The following TMIGD3 variants were observed in gnomAD, a reference collection of about 807,000 sequenced individuals.
The protein encoded by TMIGD3 is transmembrane and immunoglobulin domain containing 3.
Under a neutral mutation model 28.1 loss-of-function variants are expected in TMIGD3, and 21 were observed. The ratio of observed to expected loss-of-function variants is 0.75; its 90% CI spans 0.53 to 1.08. TMIGD3 has a LOEUF of 1.08. Ranked by LOEUF, TMIGD3 falls within the 50% of genes least tolerant of loss-of-function variation. The probability of loss-of-function intolerance (pLI) is 0.00; values close to 1 mark genes in which losing one functional copy is unlikely to be tolerated. For missense variants in TMIGD3, 416 were observed against 435.6 expected, an observed-to-expected ratio of 0.96 and a Z score of 0.40; for synonymous variants, 151 against 162.1, an observed-to-expected ratio of 0.93 and a Z score of 0.52.
chr1:111,490,714 T>C lies in TMIGD3; in HGVS notation c.399A>G (p.Lys133=). 6.2e-7 allele frequency: 1 copy of C among 1,614,072 alleles called. No individual in the cohort carries two copies. The highest frequency in any genetic ancestry group is 1.6e-4 in the Middle Eastern group (1 of 6,062). The change falls in exon 2 of 6, where the codon AAA becomes AAG. Residue 133 remains lysine, a synonymous_variant. Transcript: ENST00000369716. ...GCCACATGACTGGAAGGAAGCAAACTTTCAACTGGAATGATAGAATGCACC... is the reference window on the plus strand; with the variant it reads ...GCCACATGACTGGAAGGAAGCAAACCTTCAACTGGAATGATAGAATGCACC... ...LPGCILSFQL[K]VCFLPVMWLF... is the part of the protein sequence containing the mutation.
chr1:111,502,940 C>G, intron 1 of TMIGD3, 65 bp downstream of exon 1: 1 of 1,580,140 alleles, frequency 6.3e-7, no homozygotes, highest in East Asian at 2.3e-5. Context: ...AAAGTCTGGG[C>G]TCTGGGCTTT....
chr1:111,531,639 T>C (rs1436665816), intron 1 of TMIGD3, among the ~76,000 whole-genome samples: 2 of 152,230 alleles, frequency 1.3e-5, no homozygotes, highest in African/African-American at 4.8e-5. Flanking sequence ...GATGATTTTC[T>C]GATTGGATGG....
chr1:111,498,562 C>T (rs1160055430), intron 1 of TMIGD3, among the ~76,000 whole-genome samples: 3 of 152,216 alleles, frequency 2.0e-5, no homozygotes, highest in African/African-American at 7.2e-5. Context: ...ACAAGTTCCT[C>T]TTTATGTCTG....
At chr1:111,487,113 C>T (rs936716127) in intron 3 of TMIGD3, among the ~76,000 whole-genome samples, 6 of 152,180 alleles carry the variant, frequency 3.9e-5, no homozygotes, top group African/African-American at 1.4e-4. Flanking sequence ...CAAAACCCAA[C>T]GGGAGCAGTG....
chr1:111,488,071 C>T (rs907782873), intron 3 of TMIGD3, among the ~76,000 whole-genome samples: 1 of 152,140 alleles, frequency 6.6e-6, no homozygotes, highest in Admixed American at 6.5e-5. Context: ...TCCCAAACTG[C>T]TGGGATTACA....
chr1:111,550,606 A>G (rs140830252), intron 1 of TMIGD3, among the ~76,000 whole-genome samples: 3 of 152,166 alleles, frequency 2.0e-5, no homozygotes, highest in African/African-American at 4.8e-5. Flanking sequence ...GTTGTTTAAG[A>G]GTTTCTTTGT....
intron 1 of TMIGD3, among the ~76,000 whole-genome samples, chr1:111,542,032 C>T (rs1382010749): frequency 6.6e-6 from 1 of 150,986 alleles, no homozygotes; most frequent in Non-Finnish European, 1.5e-5. Flanking sequence ...GCATTCCTTT[C>T]TTTAAAGAGG....
intron 1 of TMIGD3, among the ~76,000 whole-genome samples, chr1:111,497,273 G>T (rs1335386640): frequency 6.6e-6 from 1 of 152,102 alleles, no homozygotes; most frequent in African/African-American, 2.4e-5. Flanking sequence ...ACCACGCCCG[G>T]CTAATTTTTT....
chr1:111,524,327 C>G (rs1028216771), intron 1 of TMIGD3, among the ~76,000 whole-genome samples: 1 of 151,896 alleles, frequency 6.6e-6, no homozygotes. Context: ...TCGCGCCCGG[C>G]CTTCTTTTTC....
intron 1 of TMIGD3, among the ~76,000 whole-genome samples, chr1:111,510,314 C>T (rs1295876701): frequency 6.6e-6 from 1 of 151,910 alleles, no homozygotes; most frequent in African/African-American, 2.4e-5. Flanking sequence ...ACCTTAGTCC[C>T]TCTGCTTTGT....
rs534824408 is a variant in TMIGD3 at position 111,524,930 on chromosome 1, C to T, written c.108-34168G>A. Reference sequence around the variant, plus strand: ...CCACCCCTCTTGGCCTCTAATTTACCTTTTGATTTTTTCTTTGACTTGTAG... The same window carrying T: ...CCACCCCTCTTGGCCTCTAATTTACTTTTTGATTTTTTCTTTGACTTGTAG... On this transcript the variant is annotated intron_variant, in intron 1 of 5. Coordinates refer to the TMIGD3 transcript ENST00000369717. 2.6e-5 allele frequency among the ~76,000 whole-genome samples: 4 copies of T among 152,210 alleles called. No homozygotes were observed. The East Asian group carries it at 5.8e-4, about 22-fold the overall frequency.
At position 111,522,221 on chromosome 1, in the gene TMIGD3, A is replaced by C. The variant is rs1021528773; in HGVS notation, c.108-31459T>G. ...GTACTCCAACTTGGTTCTTTTTCAAAGTTGTTTTGGCTATTCTAGGTCTTT... is the reference window on the plus strand; with the variant it reads ...GTACTCCAACTTGGTTCTTTTTCAACGTTGTTTTGGCTATTCTAGGTCTTT... On this transcript the variant is annotated intron_variant, in intron 1 of 5. Transcript: ENST00000369717. Among the ~76,000 whole-genome samples, 6 of 152,270 alleles carry C rather than the reference A, an allele frequency of 3.9e-5. No individual in the cohort carries two copies. In the East Asian group the frequency reaches 1.2e-3, roughly 29 times the overall value.
upstream of TMIGD3, among the ~76,000 whole-genome samples, chr1:111,506,087 A>G (rs931302571): frequency 6.6e-6 from 1 of 152,076 alleles, no homozygotes; most frequent in Non-Finnish European, 1.5e-5. Flanking sequence ...ACTGTTACCC[A>G]ACAGGACCTT....
At chr1:111,515,014 C>A (rs1371112514) in intron 1 of TMIGD3, among the ~76,000 whole-genome samples, 2 of 152,188 alleles carry the variant, frequency 1.3e-5, no homozygotes, top group African/African-American at 4.8e-5. Flanking sequence ...TCAGGCAGTC[C>A]CATGCCCAGC....
chr1:111,489,080 C>G, intron 2 of TMIGD3, 56 bp from the exon 3 acceptor site: 1 of 1,465,464 alleles, frequency 6.8e-7, no homozygotes. Flanking sequence ...ATTGTTCTCT[C>G]AAAACATTGC....
chr1:111,489,937 G>C (rs1237442777), intron 2 of TMIGD3, among the ~76,000 whole-genome samples: 2 of 152,148 alleles, frequency 1.3e-5, no homozygotes, highest in African/African-American at 2.4e-5. Context: ...AGATGAGACA[G>C]CAGAGCCCAT....
At chr1:111,510,382 A>G (rs534242797) in intron 1 of TMIGD3, among the ~76,000 whole-genome samples, 2 of 152,314 alleles carry the variant, frequency 1.3e-5, no homozygotes, top group South Asian at 4.1e-4. Context: ...TTTCATCATG[A>G]TCGAAAATAC....
chr1:111,499,349 G>T, intron 1 of TMIGD3: 1 of 913,354 alleles, frequency 1.1e-6, no homozygotes, highest in Non-Finnish European at 1.3e-6. Flanking sequence ...ATGGCTCCAA[G>T]TAGCAAGCAA....
chr1:111,485,445 T>C, intron 5 of TMIGD3: 1 of 322,178 alleles, frequency 3.1e-6, no homozygotes, highest in East Asian at 5.6e-5. Context: ...GTTTGTGTGC[T>C]GGGGAGGTAG....
Sources: gnomAD v4.1 joint callset for allele counts (sites outside exome capture counted in the v4.1 genomes callset) on GRCh38, gnomAD v4.1.1 for gene constraint, MANE v1.5 for transcripts, NCBI Gene and HGNC (gene_info 2026-07-23, HGNC 2026-07-21) for gene names.